The following SF3A3 variants were observed in gnomAD, a reference collection of about 807,000 sequenced individuals.
SF3A3 encodes SAP 61.
In SF3A3, 9 loss-of-function variants were observed where a neutral mutation model predicts 85.8. The ratio of observed to expected loss-of-function variants is 0.10; its 90% CI spans 0.06 to 0.18. SF3A3 has a LOEUF of 0.18. Ranked by LOEUF, SF3A3 falls within the 10% of genes least tolerant of loss-of-function variation. SF3A3 has a pLI of 1.00. For missense variants in SF3A3, 306 were observed against 593.3 expected (o/e 0.52, Z 5.03); for synonymous variants, 195 against 204.4 (o/e 0.95, Z 0.39).
chr1:37,963,618 A>G (rs1179658862), intron 15 of SF3A3, among the ~76,000 whole-genome samples: 1 of 150,860 alleles, frequency 6.6e-6, no homozygotes, highest in Non-Finnish European at 1.5e-5. Flanking sequence ...GTAAAGTGGC[A>G]GGATCTCGGC....
At chr1:37,962,661 G>A (rs1646270140) in intron 15 of SF3A3, among the ~76,000 whole-genome samples, 1 of 149,956 alleles carries the variant, frequency 6.7e-6, no homozygotes, top group Non-Finnish European at 1.5e-5. Context: ...CCTAAATGGC[G>A]ATTTCCGGTG....
intron 12 of SF3A3, among the ~76,000 whole-genome samples, chr1:37,975,678 C>T (rs1320508354): frequency 6.6e-6 from 1 of 152,132 alleles, no homozygotes; most frequent in Non-Finnish European, 1.5e-5. Flanking sequence ...GTCTAGCTAG[C>T]CTTTTACTGA....
intron 15 of SF3A3, among the ~76,000 whole-genome samples, chr1:37,964,012 C>A (rs962507138): frequency 6.6e-6 from 1 of 151,384 alleles, no homozygotes; most frequent in African/African-American, 2.4e-5. Context: ...AACCCCATCC[C>A]TACTAAAAAT....
At chr1:37,972,829 G>A (rs1646352841) in intron 12 of SF3A3, among the ~76,000 whole-genome samples, 1 of 152,220 alleles carries the variant, frequency 6.6e-6, no homozygotes, top group Non-Finnish European at 1.5e-5. Flanking sequence ...TATGTAGAAA[G>A]CTGAAACTGG....
intron 8 of SF3A3, among the ~76,000 whole-genome samples, 188 bp from the exon 9 acceptor site, chr1:37,979,721 A>G (rs7364991): frequency 1 from 152,051 of 152,264 alleles, 75,921 homozygotes; most frequent in Middle Eastern, 1. Flanking sequence ...GCTGGGCATG[A>G]TGGCATGTGC....
intron 15 of SF3A3, among the ~76,000 whole-genome samples, chr1:37,964,585 T>G (rs189961652): frequency 1.3e-5 from 2 of 151,928 alleles, no homozygotes; most frequent in African/African-American, 2.4e-5. Flanking sequence ...TCCAGCCTGG[T>G]TGACAGAGCA....
intron 5 of SF3A3, 93 bp downstream of exon 5, chr1:37,984,614 G>A: frequency 1.1e-6 from 1 of 877,494 alleles, no homozygotes; most frequent in Non-Finnish European, 1.9e-6. Flanking sequence ...AGAAATCCTG[G>A]CTATAAATAT....
intron 12 of SF3A3, among the ~76,000 whole-genome samples, chr1:37,975,798 C>G (rs894928995): frequency 6.6e-6 from 1 of 152,182 alleles, no homozygotes; most frequent in Non-Finnish European, 1.5e-5. Context: ...TGTGAACAAG[C>G]TATCTGATCC....
At chr1:37,963,232 T>C (rs114158575) in intron 15 of SF3A3, among the ~76,000 whole-genome samples, 9 of 152,224 alleles carry the variant, frequency 5.9e-5, no homozygotes, top group African/African-American at 1.4e-4. Context: ...TGAGAATCAC[T>C]TGAGCCCAAG....
At chr1:37,986,811 CAAA>C (rs1186890843) in intron 4 of SF3A3, among the ~76,000 whole-genome samples, 1 of 62,260 alleles carries the variant, frequency 1.6e-5, no homozygotes. Flanking sequence ...GACTCCATCT[CAAA>C]AAAAAAAAAA....
rs1646480738 is a variant in SF3A3 at position 37,989,604 on chromosome 1, A to T, written c.97-9T>A. The T allele has an allele frequency of 6.2e-7, 1 of 1,613,784 alleles. No homozygotes were observed. Among genetic ancestry groups the T allele is most frequent in the Non-Finnish European group, 8.5e-7 (1 of 1,179,848 alleles). On this transcript the variant is annotated splice_polypyrimidine_tract_variant and intron_variant, in intron 1 of 16. Transcript: ENST00000373019. Reference sequence around the variant, plus strand: ...TTGATCTGGTCCCGGAGCTGAAAAAACAAACGGTGACACAAACGCCGTTAG... The same window carrying T: ...TTGATCTGGTCCCGGAGCTGAAAAATCAAACGGTGACACAAACGCCGTTAG...
chr1:37,960,273 G>C, intron 15 of SF3A3, 98 bp from the exon 16 acceptor site: 1 of 1,125,432 alleles, frequency 8.9e-7, no homozygotes, highest in Middle Eastern at 2.1e-4. Flanking sequence ...ATGCTCCCTA[G>C]AAGACTCTGC....
At chr1:37,982,299 G>T (rs76428509) in intron 6 of SF3A3, among the ~76,000 whole-genome samples, 134 of 152,256 alleles carry the variant, frequency 8.8e-4, no homozygotes, top group African/African-American at 3.1e-3. Flanking sequence ...ACAATTCCAT[G>T]AGGAATCTAA....
Position 37,987,552 on chromosome 1 carries a change from A to C in SF3A3, c.303+21T>G, listed in dbSNP as rs1281637173. On this transcript the variant is annotated intron_variant, in intron 4 of 16. Transcript: ENST00000373019. ...ATGCTTTAAGGATAGGTCTGGAGAAAATACTTTTCTGAGGACATACCTCAT... is the reference window on the plus strand; with the variant it reads ...ATGCTTTAAGGATAGGTCTGGAGAACATACTTTTCTGAGGACATACCTCAT... 3.2e-6 allele frequency: 5 copies of C among 1,547,414 alleles called. No homozygotes were observed. In the Admixed American group the frequency reaches 6.7e-5, roughly 21 times the overall value.
intron 15 of SF3A3, among the ~76,000 whole-genome samples, chr1:37,961,247 G>A (rs866534432): frequency 1.3e-5 from 2 of 152,154 alleles, no homozygotes; most frequent in Non-Finnish European, 2.9e-5. Context: ...TGGCACATAG[G>A]TGCTCAACTA....
chr1:37,986,759 C>T (rs949224077), intron 4 of SF3A3, among the ~76,000 whole-genome samples: 2 of 124,586 alleles, frequency 1.6e-5, no homozygotes, highest in African/African-American at 6.1e-5. Flanking sequence ...TTGCAGTGAG[C>T]CGAGATCATG....
intron 12 of SF3A3, among the ~76,000 whole-genome samples, chr1:37,973,415 T>G (rs992481040): frequency 1.3e-5 from 2 of 152,076 alleles, no homozygotes; most frequent in Non-Finnish European, 2.9e-5. Flanking sequence ...ACAGGCAACC[T>G]ACAGAATGGG....
At chr1:37,960,288 G>T in intron 15 of SF3A3, 113 bp from the exon 16 acceptor site, 1 of 976,282 alleles carries the variant, frequency 1.0e-6, no homozygotes, top group Non-Finnish European at 1.6e-6. Flanking sequence ...CTCTGCCTTT[G>T]AGATTCTTGC....
intron 16 of SF3A3, 82 bp downstream of exon 16, chr1:37,960,038 C>T (rs1646246501): frequency 2.9e-6 from 3 of 1,052,538 alleles, no homozygotes; most frequent in South Asian, 1.3e-5. Context: ...CACCAGGGAC[C>T]ATCTTTCACC....
Sources: gnomAD v4.1 joint callset for allele counts (sites outside exome capture counted in the v4.1 genomes callset) on GRCh38, gnomAD v4.1.1 for gene constraint, MANE v1.5 for transcripts, NCBI Gene and HGNC (gene_info 2026-07-23, HGNC 2026-07-21) for gene names.